The following NCKAP5 variants were observed in gnomAD, a reference collection of about 807,000 sequenced individuals.
NCKAP5 encodes the protein nck-associated protein 5.
Under a neutral mutation model 167.0 loss-of-function variants are expected in NCKAP5, and 92 were observed. The observed-to-expected ratio is 0.55, with a 90% CI of 0.47 to 0.66. The LOEUF is 0.66. Ranked by LOEUF, NCKAP5 falls within the 30% of genes least tolerant of loss-of-function variation. The probability of loss-of-function intolerance (pLI) is 0.00; values close to 1 mark genes in which losing one functional copy is unlikely to be tolerated. For missense variants in NCKAP5, 2,378 were observed against 2,315.0 expected (o/e 1.03, Z -0.56); for synonymous variants, 891 against 877.4 (o/e 1.02, Z -0.27).
intron 11 of NCKAP5, among the ~76,000 whole-genome samples, chr2:132,837,357 A>G (rs1687965340): frequency 6.6e-6 from 1 of 151,924 alleles, no homozygotes; most frequent in African/African-American, 2.4e-5. Context: ...TTCTGGTATT[A>G]CTATTATTCT....
At chr2:133,389,407 C>G (rs1687239367) in intron 3 of NCKAP5, among the ~76,000 whole-genome samples, 2 of 152,122 alleles carry the variant, frequency 1.3e-5, no homozygotes, top group African/African-American at 4.8e-5. Flanking sequence ...TAATTTGAGG[C>G]AGAGATGCCA....
At chr2:133,172,545 C>T (rs959527426) in intron 5 of NCKAP5, among the ~76,000 whole-genome samples, 24 of 152,212 alleles carry the variant, frequency 1.6e-4, no homozygotes, top group African/African-American at 5.3e-4. Flanking sequence ...GATCTTAGCT[C>T]ACTGCAACCT....
the NCKAP5 span, among the ~76,000 whole-genome samples, chr2:133,628,747 C>T: frequency 6.6e-6 from 1 of 152,264 alleles, no homozygotes; most frequent in South Asian, 2.1e-4. Context: ...CTATACAAGG[C>T]TACAGTAACC....
the NCKAP5 span, among the ~76,000 whole-genome samples, chr2:133,588,402 TCTCC>T: frequency 7.8e-6 from 1 of 128,192 alleles, no homozygotes; most frequent in Non-Finnish European, 1.6e-5. Flanking sequence ...TTCTTCCCTC[TCTCC>T]CTCCCTCCCA....
At chr2:132,714,217 G>A (rs772849145) in intron 19 of NCKAP5, among the ~76,000 whole-genome samples, 8 of 152,126 alleles carry the variant, frequency 5.3e-5, no homozygotes, top group Non-Finnish European at 1.0e-4. Context: ...TTGTATATCC[G>A]TGGCTAATTT....
At chr2:132,711,321 C>T (rs1239843431) in intron 19 of NCKAP5, among the ~76,000 whole-genome samples, 1 of 152,208 alleles carries the variant, frequency 6.6e-6, no homozygotes, top group East Asian at 1.9e-4. Flanking sequence ...CTACACCTCA[C>T]TGAGCCTTTC....
intron 7 of NCKAP5, among the ~76,000 whole-genome samples, chr2:132,983,519 T>C (rs2077200640): frequency 6.6e-6 from 1 of 152,190 alleles, no homozygotes; most frequent in African/African-American, 2.4e-5. Context: ...GTTTTAATCA[T>C]GAGGGATATT....
chr2:133,533,638 T>C (rs980376328), intron 2 of NCKAP5, among the ~76,000 whole-genome samples: 3 of 152,210 alleles, frequency 2.0e-5, no homozygotes, highest in African/African-American at 7.2e-5. Flanking sequence ...AACTTTCTAT[T>C]CAAAGATGAT....
chr2:133,513,598 G>A (rs1296467542), intron 3 of NCKAP5, among the ~76,000 whole-genome samples: 1 of 152,216 alleles, frequency 6.6e-6, no homozygotes, highest in African/African-American at 2.4e-5. Flanking sequence ...TGTTGTGGAA[G>A]TCTTGATTAC....
chr2:133,674,675 G>A, the NCKAP5 span, among the ~76,000 whole-genome samples: 3 of 151,872 alleles, frequency 2.0e-5, no homozygotes, highest in Admixed American at 2.0e-4. Context: ...TGTCCTTACC[G>A]AGAAGGCATA....
chr2:133,182,631 T>A (rs2084785796), intron 5 of NCKAP5, among the ~76,000 whole-genome samples: 2 of 152,062 alleles, frequency 1.3e-5, no homozygotes, highest in Admixed American at 6.5e-5. Flanking sequence ...AGCAATGCCA[T>A]GAGGGAAATT....
the NCKAP5 span, among the ~76,000 whole-genome samples, chr2:133,581,818 T>C: frequency 6.6e-6 from 1 of 152,258 alleles, no homozygotes; most frequent in Admixed American, 6.5e-5. Flanking sequence ...TAAGTATTGT[T>C]AAATTTGATA....
chr2:133,524,054 G>A (rs1361493088), intron 2 of NCKAP5, among the ~76,000 whole-genome samples: 1 of 152,162 alleles, frequency 6.6e-6, no homozygotes, highest in Non-Finnish European at 1.5e-5. Context: ...TTTGCCGCAT[G>A]TTAGATGGAG....
In NCKAP5 at chr2:132,784,677, G is replaced by C. The variant is rs1683391985; in HGVS notation, c.2134C>G (p.Leu712Val). The change falls in exon 14 of 20, where the codon CTT becomes GTT. Residue 712 changes from leucine (L) to valine (V), a missense_variant. Physicochemically the swap from Leu to Val is conservative, Grantham distance 32. Transcript: ENST00000409261. ...AAACAAGCAATTCCCTGAGGTAAAAGCTCAGTATGTTCTGCCTTGGGTCCA... is the reference window on the plus strand; with the variant it reads ...AAACAAGCAATTCCCTGAGGTAAAACCTCAGTATGTTCTGCCTTGGGTCCA... ...PAGPKAEHTELLPQGIACLQP... is the reference protein window; with the variant it reads ...PAGPKAEHTEVLPQGIACLQP... The C allele has an allele frequency of 6.2e-7, 1 of 1,613,840 alleles. No individual in the cohort carries two copies. The highest frequency in any genetic ancestry group is 8.5e-7 in the Non-Finnish European group (1 of 1,179,884).
At chr2:133,277,142 C>T (rs563900917) in intron 4 of NCKAP5, among the ~76,000 whole-genome samples, 17 of 152,224 alleles carry the variant, frequency 1.1e-4, no homozygotes, top group African/African-American at 3.1e-4. Flanking sequence ...CCAGGATGTC[C>T]GCTGCCTCCA....
intron 2 of NCKAP5, among the ~76,000 whole-genome samples, chr2:133,537,616 T>A (rs1240862326): frequency 6.6e-6 from 1 of 152,182 alleles, no homozygotes; most frequent in Non-Finnish European, 1.5e-5. Flanking sequence ...TGTATCTCCT[T>A]TTAGCTTCAA....
Position 132,725,844 on chromosome 2 carries a change from C to T in NCKAP5, c.5581-85G>A. On this transcript the variant is annotated intron_variant, in intron 18 of 19. Coordinates refer to ENST00000409261, the MANE Select transcript of NCKAP5 (RefSeq NM_207363.3). Reference sequence around the variant, plus strand: ...TCCTGTGAGGATGCGACACAGTTCACATCTGGCTGTCAATGTGTGCACAGA... The same window carrying T: ...TCCTGTGAGGATGCGACACAGTTCATATCTGGCTGTCAATGTGTGCACAGA... 2.2e-6 allele frequency: 3 copies of T among 1,380,628 alleles called. No individual in the cohort carries two copies. The Admixed American group carries it at 6.4e-5, about 29-fold the overall frequency. 85.5% of individuals were successfully genotyped at this position (1,380,628 alleles called of 1,614,324 possible). A position where few individuals can be genotyped will look rare whatever the true frequency, so the allele number is the denominator to read the frequency against.
intron 5 of NCKAP5, among the ~76,000 whole-genome samples, chr2:133,159,111 G>T (rs1002818024): frequency 6.6e-6 from 1 of 151,910 alleles, no homozygotes; most frequent in South Asian, 2.1e-4. Context: ...CAATTTCTCC[G>T]GCTGGAAACA....
At chr2:133,496,519 C>T (rs1575060585) in intron 3 of NCKAP5, among the ~76,000 whole-genome samples, 1 of 152,174 alleles carries the variant, frequency 6.6e-6, no homozygotes, top group African/African-American at 2.4e-5. Context: ...CACATAGCAA[C>T]TACTACAAAA....
Sources: gnomAD v4.1 joint callset for allele counts (sites outside exome capture counted in the v4.1 genomes callset) on GRCh38, gnomAD v4.1.1 for gene constraint, MANE v1.5 for transcripts, NCBI Gene and HGNC (gene_info 2026-07-23, HGNC 2026-07-21) for gene names.